SLC39A11: variants seen among roughly 807,000 people sequenced by gnomAD.
SLC39A11 encodes solute carrier family 39 member 11.
Under a neutral mutation model 36.1 loss-of-function variants are expected in SLC39A11, and 33 were observed. That is an observed-to-expected ratio of 0.91 (90% CI 0.69 to 1.22). The LOEUF is 1.22. Ranked by LOEUF, SLC39A11 falls within the 50% of genes most tolerant of loss-of-function variation. The probability of loss-of-function intolerance (pLI) is 0.00; values close to 1 mark genes in which losing one functional copy is unlikely to be tolerated. For missense variants in SLC39A11, 432 were observed against 430.3 expected, an observed-to-expected ratio of 1.00 and a Z score of -0.03; for synonymous variants, 166 against 170.3, an observed-to-expected ratio of 0.97 and a Z score of 0.20.
At chr17:72,762,130 G>A (rs778791255) in intron 6 of SLC39A11, among the ~76,000 whole-genome samples, 1 of 152,212 alleles carries the variant, frequency 6.6e-6, no homozygotes, top group Non-Finnish European at 1.5e-5. Flanking sequence ...TAGGGGCTGC[G>A]TAAAATGAGG....
chr17:72,801,015 C>T (rs1180884477), intron 6 of SLC39A11, among the ~76,000 whole-genome samples: 4 of 152,166 alleles, frequency 2.6e-5, no homozygotes, highest in African/African-American at 4.8e-5. Flanking sequence ...AACACAGGTA[C>T]GTCTTGCTAA....
At chr17:73,029,192 C>T (rs2058663980) in intron 4 of SLC39A11, among the ~76,000 whole-genome samples, 2 of 152,034 alleles carry the variant, frequency 1.3e-5, no homozygotes, top group African/African-American at 4.8e-5. Context: ...GAGAAAATCC[C>T]TACATTCAGA....
chr17:72,985,928 T>C lies in SLC39A11; in HGVS notation c.307-38053A>G, dbSNP rs377336355. On this transcript the variant is annotated intron_variant, in intron 4 of 9. Coordinates refer to ENST00000255559, the MANE Select transcript of SLC39A11 (RefSeq NM_139177.4). ...TTTTTTCCTTATAAAAAGGAGAAAT[T>C]TGGACACAGAGACAGGCACACAAGG... 4.3e-4 allele frequency among the ~76,000 whole-genome samples: 65 copies of C among 152,054 alleles called. 2 individuals are homozygous for C. The South Asian group carries it at 0.012, about 29-fold the overall frequency.
chr17:72,972,375 T>C (rs2087521106), intron 4 of SLC39A11, among the ~76,000 whole-genome samples: 1 of 152,196 alleles, frequency 6.6e-6, no homozygotes, highest in South Asian at 2.1e-4. Context: ...AGATGTGTTC[T>C]GTGGTCTCCC....
Position 72,646,941 on chromosome 17 carries a change from T to C in SLC39A11, c.*643A>G, listed in dbSNP as rs1446108493. The C allele has an allele frequency of 7.2e-6, 1 of 138,116 alleles. No homozygotes were observed. 8.6% of individuals were successfully genotyped at this position (138,116 alleles called of 1,614,324 possible). A position where few individuals can be genotyped will look rare whatever the true frequency, so the allele number is the denominator to read the frequency against. ...CCCTTTCCTTCAATAATGTCAATCTTTGCCTTTAAAAAAAAAAAAAAAAAA... is the reference window on the plus strand; with the variant it reads ...CCCTTTCCTTCAATAATGTCAATCTCTGCCTTTAAAAAAAAAAAAAAAAAA... On this transcript the variant is annotated 3_prime_UTR_variant, in exon 10 of 10. Transcript: ENST00000255559.
At chr17:72,782,440 A>T (rs1329344949) in intron 6 of SLC39A11, among the ~76,000 whole-genome samples, 1 of 152,132 alleles carries the variant, frequency 6.6e-6, no homozygotes, top group Non-Finnish European at 1.5e-5. Flanking sequence ...CTGATTCACT[A>T]GCCAAGTCCC....
intron 7 of SLC39A11, among the ~76,000 whole-genome samples, chr17:72,659,701 G>T (rs2070324272): frequency 6.7e-6 from 1 of 148,882 alleles, no homozygotes; most frequent in Non-Finnish European, 1.5e-5. Context: ...TCCTGCCTCA[G>T]CCTCCCAAAT....
At chr17:72,705,357 T>C (rs553509832) in intron 7 of SLC39A11, among the ~76,000 whole-genome samples, 1 of 152,364 alleles carries the variant, frequency 6.6e-6, no homozygotes, top group East Asian at 1.9e-4. Context: ...TGTGGTTGAA[T>C]TTATATGTTC....
intron 6 of SLC39A11, among the ~76,000 whole-genome samples, chr17:72,759,631 A>G (rs2144515636): frequency 6.6e-6 from 1 of 152,336 alleles, no homozygotes; most frequent in Middle Eastern, 3.4e-3. Flanking sequence ...ATGTTTGGCC[A>G]TTGCTATTGT....
intron 7 of SLC39A11, among the ~76,000 whole-genome samples, chr17:72,734,248 G>A (rs2074337949): frequency 6.6e-6 from 1 of 152,152 alleles, no homozygotes; most frequent in African/African-American, 2.4e-5. Context: ...TAGAGAGGAG[G>A]GAATCACAAA....
intron 7 of SLC39A11, among the ~76,000 whole-genome samples, chr17:72,697,433 G>T (rs926701119): frequency 6.6e-6 from 1 of 152,112 alleles, no homozygotes; most frequent in African/African-American, 2.4e-5. Flanking sequence ...CCAGATGAAG[G>T]TGTCTATCTT....
intron 6 of SLC39A11, among the ~76,000 whole-genome samples, chr17:72,787,424 A>G (rs1411156962): frequency 6.6e-6 from 1 of 151,406 alleles, no homozygotes; most frequent in Admixed American, 6.6e-5. Context: ...CGCCCGGCTA[A>G]TTTTTCGTAT....
Position 72,983,400 on chromosome 17 carries a change from C to T in SLC39A11, c.307-35525G>A, listed in dbSNP as rs187051385. On this transcript the variant is annotated intron_variant, in intron 4 of 9. Transcript: ENST00000255559. ...CTGACCTCAAGTGAACCACCTGCCT[C>T]GGCCTCCCGAAGTGCTGGGATTACA... Among the ~76,000 whole-genome samples, 263 of 152,298 alleles carry T rather than the reference C, an allele frequency of 1.7e-3. 1 individual carries two copies. The highest frequency in any genetic ancestry group is 5.8e-3 in the African/African-American group (241 of 41,554).
intron 3 of SLC39A11, among the ~76,000 whole-genome samples, chr17:73,077,097 A>G (rs1267832769): frequency 6.6e-6 from 1 of 152,158 alleles, no homozygotes; most frequent in African/African-American, 2.4e-5. Flanking sequence ...AATGTAATTT[A>G]TTCCATGATA....
chr17:73,080,747 C>T (rs914331463), intron 3 of SLC39A11, among the ~76,000 whole-genome samples: 1 of 151,908 alleles, frequency 6.6e-6, no homozygotes, highest in African/African-American at 2.4e-5. Flanking sequence ...GCGTTTAAGA[C>T]CAGCCTGGCC....
At chr17:72,745,885 C>A (rs1054137921) in intron 6 of SLC39A11, among the ~76,000 whole-genome samples, 1 of 152,174 alleles carries the variant, frequency 6.6e-6, no homozygotes, top group African/African-American at 2.4e-5. Flanking sequence ...GAATATTAAA[C>A]ACAGCCACTA....
At chr17:72,676,620 C>T (rs2071273419) in intron 7 of SLC39A11, among the ~76,000 whole-genome samples, 1 of 152,248 alleles carries the variant, frequency 6.6e-6, no homozygotes, top group East Asian at 1.9e-4. Context: ...GGCCCTTAGG[C>T]AGTTCCTGGG....
At chr17:73,005,197 C>T (rs1233232751) in intron 4 of SLC39A11, among the ~76,000 whole-genome samples, 1 of 152,114 alleles carries the variant, frequency 6.6e-6, no homozygotes, top group Non-Finnish European at 1.5e-5. Context: ...AGGCTAGTCT[C>T]GAACTCCTGA....
intron 4 of SLC39A11, among the ~76,000 whole-genome samples, chr17:72,959,325 G>GTGTATATATATATATATATA (rs1436484912): frequency 3.1e-5 from 2 of 65,546 alleles, no homozygotes; most frequent in African/African-American, 1.4e-4. Flanking sequence ...GTGTGTGTGT[G>GTGTATATATATATATATATA]TATATATATA....
Sources: allele counts gnomAD v4.1 joint callset (sites outside exome capture counted in the v4.1 genomes callset), GRCh38; gene constraint gnomAD v4.1.1; transcripts MANE v1.5; gene names NCBI Gene and HGNC (gene_info 2026-07-23, HGNC 2026-07-21).